Variants in BRWD1 observed in about 807,000 individuals in gnomAD.
BRWD1 encodes the protein bromodomain and WD repeat-containing protein 1.
Under a neutral mutation model 251.2 loss-of-function variants are expected in BRWD1, and 82 were observed. That is an observed-to-expected ratio of 0.33 (90% CI 0.27 to 0.39). BRWD1 has a LOEUF of 0.39. Ranked by LOEUF, BRWD1 falls within the 10% of genes least tolerant of loss-of-function variation. BRWD1 has a pLI of 1.00. For missense variants in BRWD1, 2,233 were observed against 2,711.6 expected, an observed-to-expected ratio of 0.82 and a Z score of 3.92; for synonymous variants, 918 against 902.8, an observed-to-expected ratio of 1.02 and a Z score of -0.30.
Position 39,252,683 on chromosome 21 carries a change from T to C in BRWD1, c.2256-1794A>G, listed in dbSNP as rs1412674971. ...TGAAAATTATATTATGGCAGATAGC[T>C]AGCTGCCGTTCTCCTTTTCTTCCTT... On this transcript the variant is annotated intron_variant, in intron 19 of 40. Coordinates refer to ENST00000342449, the MANE Select transcript of BRWD1 (RefSeq NM_033656.4). Among the ~76,000 whole-genome samples the C allele has an allele frequency of 2.0e-5, 3 of 152,222 alleles. 1 individual carries two copies. The highest frequency in any genetic ancestry group is 7.2e-5 in the African/African-American group (3 of 41,458).
chr21:39,267,899 A>C (rs190720169), intron 15 of BRWD1, among the ~76,000 whole-genome samples: 2 of 152,314 alleles, frequency 1.3e-5, no homozygotes, highest in Admixed American at 1.3e-4. Context: ...TTAAAAATAA[A>C]AATTTCAAAA....
chr21:39,295,675 C>A lies in BRWD1; in HGVS notation c.609+68G>T, dbSNP rs2035943443. 3.0e-5 allele frequency: 37 copies of A among 1,238,752 alleles called. 1 individual carries two copies. In the South Asian group the frequency reaches 7.1e-4, roughly 24 times the overall value. The allele number at this position is 1,238,752 out of a possible 1,614,324, so 76.7% of individuals were successfully genotyped here. A position where few individuals can be genotyped will look rare whatever the true frequency, so the allele number is the denominator to read the frequency against. ...GATGGGAAACAGAAACTAAGATTTC[C>A]TAGATGATTCTGAAGCACACTAAAG... On this transcript the variant is annotated intron_variant, in intron 7 of 40. Transcript: ENST00000342449.
rs1298242965 is a variant in BRWD1, at chr21:39,258,672, C to T, written c.1886G>A (p.Ser629Asn). The change falls in exon 18 of 41, where the codon AGT (serine) becomes AAT (asparagine). Residue 629 changes from serine (S) to asparagine (N), a missense_variant and splice_region_variant. Coordinates refer to ENST00000342449, the MANE Select transcript of BRWD1 (RefSeq NM_033656.4). ...LIPQLGYVAT[S>N]DGEVIEQIIS... is the part of the protein sequence containing the mutation. Reference sequence around the variant, plus strand: ...AATTTGTTCAATCACCTCTCCATCACCTACAAATTCAATTATTTAATATAT... The same window carrying T: ...AATTTGTTCAATCACCTCTCCATCATCTACAAATTCAATTATTTAATATAT... 2 of 1,569,616 alleles carry T rather than the reference C, an allele frequency of 1.3e-6. No individual in the cohort carries two copies. Among genetic ancestry groups the T allele is most frequent in the Non-Finnish European group, 1.7e-6 (2 of 1,161,400 alleles).
upstream of BRWD1, chr21:39,313,640 C>G (rs559419582): frequency 1.2e-3 from 632 of 509,252 alleles, 10 homozygotes; most frequent in East Asian, 0.023. Flanking sequence ...CCTGGACCGA[C>G]GCCTCCGCGG....
Position 39,197,106 on chromosome 21 carries a change from G to A in BRWD1, c.5963C>T (p.Pro1988Leu). The change falls in exon 41 of 41, where the codon CCA (proline) becomes CTA (leucine). Residue 1988 changes from proline to leucine, a missense_variant. Physicochemically the swap from Pro to Leu is moderately conservative, Grantham distance 98 (BLOSUM62 -3). This residue lies in a region of BRWD1 where 928 missense variants were observed against 970.0 expected (regional missense o/e 0.96). Transcript: ENST00000342449. ...DCEGSVHCEV[P>L]SEQYACEGKP... ...GCCTTCACAGGCATACTGTTCACTT[G>A]GTACTTCACAATGTACACTTCCTTC... 6.2e-7 allele frequency: 1 copy of A among 1,614,088 alleles called. No homozygotes were observed. Among genetic ancestry groups the A allele is most frequent in the Non-Finnish European group, 8.5e-7 (1 of 1,179,972 alleles).
intron 8 of BRWD1, among the ~76,000 whole-genome samples, chr21:39,286,805 C>T (rs1364427335): frequency 1.3e-5 from 2 of 152,142 alleles, no homozygotes; most frequent in Non-Finnish European, 2.9e-5. Context: ...TGAGCCACTG[C>T]GCCCGGCCCA....
intron 4 of BRWD1, among the ~76,000 whole-genome samples, chr21:39,307,400 C>T (rs551368019): frequency 6.6e-6 from 1 of 152,178 alleles, no homozygotes; most frequent in Non-Finnish European, 1.5e-5. Context: ...CTTGTTACTA[C>T]ATCAGAATAT....
At chr21:39,206,004 C>G (rs568241296) in intron 37 of BRWD1, 104 bp downstream of exon 37, 1 of 1,144,536 alleles carries the variant, frequency 8.7e-7, no homozygotes, top group East Asian at 2.4e-5. Flanking sequence ...CACTTGAACC[C>G]GGGAGGCAGA....
chr21:39,320,467 T>G (rs2146837444), intron 1 of BRWD1, among the ~76,000 whole-genome samples: 1 of 152,088 alleles, frequency 6.6e-6, no homozygotes, highest in Non-Finnish European at 1.5e-5. Flanking sequence ...CCCAGGTAAC[T>G]GGGACTACAG....
Position 39,218,649 on chromosome 21 carries a change from C to T in BRWD1, c.3394G>A (p.Glu1132Lys), listed in dbSNP as rs1240369451. The change falls in exon 30 of 41, where the codon GAA (glutamate) becomes AAA (lysine). Residue 1132 changes from glutamate to lysine, a missense_variant. By Grantham distance (56) the Glu-to-Lys change is moderately conservative. Transcript: ENST00000342449. ...EPIPDNVDPP[E>K]ELGASISVTT... ...ACAGAAATACTAGCTCCTAATTCTT[C>T]AGGTGGATCAACTATGAATACCATA... 5 of 1,598,980 alleles carry T rather than the reference C, an allele frequency of 3.1e-6. No individual in the cohort carries two copies. Among genetic ancestry groups the T allele is most frequent in the African/African-American group, 1.3e-5 (1 of 74,216 alleles).
chr21:39,209,959 A>C, intron 36 of BRWD1, 36 bp downstream of exon 36: 1 of 1,597,298 alleles, frequency 6.3e-7, no homozygotes, highest in Non-Finnish European at 8.5e-7. Context: ...TACACAGATC[A>C]GGCAGTTTTT....
In BRWD1 at chr21:39,192,398, A is replaced by G. The variant is rs2898369; in HGVS notation, c.*3861T>C. 94 of 985,228 alleles carry G rather than the reference A, an allele frequency of 9.5e-5. 3 individuals are homozygous for G. The South Asian group carries it at 3.9e-3, about 41-fold the overall frequency. 61.0% of individuals were successfully genotyped at this position (985,228 alleles called of 1,614,324 possible). A position where few individuals can be genotyped will look rare whatever the true frequency, so the allele number is the denominator to read the frequency against. On this transcript the variant is annotated 3_prime_UTR_variant, in exon 41 of 41. Coordinates refer to ENST00000342449, the MANE Select transcript of BRWD1 (RefSeq NM_033656.4). ...ATTCCTTCTCTTCCCAAATACTAGG[A>G]TAAGAGACAGTCTCAAACTGTTAAG... is the stretch of plus-strand genomic sequence containing the variant.
chr21:39,196,274 ATT>A lies in BRWD1; in HGVS notation c.6793_6794del (p.Asn2265TrpfsTer14). The A allele has an allele frequency of 6.2e-7, 1 of 1,600,262 alleles. No individual in the cohort carries two copies. Among genetic ancestry groups the A allele is most frequent in the East Asian group, 2.2e-5 (1 of 44,836 alleles). ...TCCCTCAAGGTCATAAGGTGCAACCATTGAAATCTAACACATTTTCTAAACTT... is the reference window on the plus strand; with the variant it reads ...TCCCTCAAGGTCATAAGGTGCAACCAGAAATCTAACACATTTTCTAAACTT... ...DRSLENVLDF[N>X]GCTL On this transcript the variant is annotated frameshift_variant, in exon 41 of 41. Coordinates refer to ENST00000342449, the MANE Select transcript of BRWD1 (RefSeq NM_033656.4). LOFTEE classifies it high-confidence loss of function.
chr21:39,272,228 A>AT (rs1297284328), intron 13 of BRWD1, among the ~76,000 whole-genome samples: 1 of 151,176 alleles, frequency 6.6e-6, no homozygotes, highest in Non-Finnish European at 1.5e-5. Flanking sequence ...AGGTCAGGAG[A>AT]TCAAGACCAT....
chr21:39,311,241 C>A (rs1028385058), intron 4 of BRWD1, among the ~76,000 whole-genome samples: 2 of 152,140 alleles, frequency 1.3e-5, no homozygotes, highest in East Asian at 3.9e-4. Flanking sequence ...GAGGATAGTT[C>A]AATGCAGCCT....
chr21:39,265,669 C>G (rs1342684504), intron 15 of BRWD1, among the ~76,000 whole-genome samples: 2 of 152,070 alleles, frequency 1.3e-5, no homozygotes, highest in African/African-American at 4.8e-5. Flanking sequence ...GGATAATAAG[C>G]TACAAGATAA....
chr21:39,284,288 T>C (rs375460427), intron 8 of BRWD1, among the ~76,000 whole-genome samples: 86 of 152,282 alleles, frequency 5.6e-4, no homozygotes, highest in African/African-American at 2.0e-3. Flanking sequence ...AAGACCAGCT[T>C]GTGAAACATA....
At position 39,195,892 on chromosome 21, in the gene BRWD1, GC is replaced by G; in HGVS notation, c.*366del. 2.0e-6 allele frequency: 2 copies of G among 1,003,610 alleles called. No homozygotes were observed. Among genetic ancestry groups the G allele is most frequent in the South Asian group, 8.9e-5 (2 of 22,402 alleles). 62.2% of individuals were successfully genotyped at this position (1,003,610 alleles called of 1,614,324 possible). ...TATAGAACAGGGGTTAGAAACTACT[GC>G]CTCTTTGACAAATTCAGAAAATAAC... On this transcript the variant is annotated 3_prime_UTR_variant, in exon 41 of 41. Transcript: ENST00000342449.
At chr21:39,245,041 C>G (rs2034136663) in intron 21 of BRWD1, among the ~76,000 whole-genome samples, 1 of 149,988 alleles carries the variant, frequency 6.7e-6, no homozygotes, top group Admixed American at 6.7e-5. Flanking sequence ...GAGCAAGACC[C>G]CATCTCAAAA....
Sources: allele counts gnomAD v4.1 joint callset (sites outside exome capture counted in the v4.1 genomes callset), GRCh38; gene constraint gnomAD v4.1.1; regional missense constraint gnomAD v4.1.1; transcripts MANE v1.5; gene names NCBI Gene and HGNC (gene_info 2026-07-23, HGNC 2026-07-21).